TMEM65: variants seen among roughly 807,000 people sequenced by gnomAD.
TMEM65 encodes the protein transmembrane protein 65.
A neutral mutation model predicts 25.4 loss-of-function variants in TMEM65; 22 were observed. The observed-to-expected ratio is 0.86, with a 90% CI of 0.62 to 1.23. The LOEUF (loss-of-function observed/expected upper bound fraction) is 1.23. Among genes scored for constraint, TMEM65 ranks in the 50% most tolerant of loss-of-function variants. The pLI is 0.00. For missense variants in TMEM65, 262 were observed against 308.2 expected (o/e 0.85, Z 1.12); for synonymous variants, 132 against 126.2 (o/e 1.05, Z -0.31).
At position 124,309,114 on chromosome 8, in the gene TMEM65, T is replaced by C. The variant is rs1016052547; in HGVS notation, c.*4846A>G. 2 of 152,246 alleles carry C rather than the reference T, an allele frequency of 1.3e-5. No individual in the cohort carries two copies. Among genetic ancestry groups the C allele is most frequent in the Non-Finnish European group, 2.9e-5 (2 of 68,044 alleles). The allele number at this position is 152,246 out of a possible 1,614,324, so 9.4% of individuals were successfully genotyped here. A position where few individuals can be genotyped will look rare whatever the true frequency, so the allele number is the denominator to read the frequency against. ...TAAATGTATTTTCTCTTCCTGATGATTTTAATAACATTTTCTTTCTTCTAC... is the reference window on the plus strand; with the variant it reads ...TAAATGTATTTTCTCTTCCTGATGACTTTAATAACATTTTCTTTCTTCTAC... On this transcript the variant is annotated 3_prime_UTR_variant, in exon 7 of 7. Transcript: ENST00000297632.
chr8:124,345,150 G>A (rs1814627333), intron 1 of TMEM65, among the ~76,000 whole-genome samples: 1 of 152,150 alleles, frequency 6.6e-6, no homozygotes, highest in African/African-American at 2.4e-5. Flanking sequence ...CTGAGCTTTG[G>A]CCAATCATAG....
intron 5 of TMEM65, 77 bp downstream of exon 5, chr8:124,322,028 C>A: frequency 9.9e-7 from 1 of 1,012,862 alleles, no homozygotes. Context: ...TTTTGTTATG[C>A]TTCTCAATTA....
At chr8:124,355,363 T>G (rs1814765836) in intron 1 of TMEM65, among the ~76,000 whole-genome samples, 1 of 152,212 alleles carries the variant, frequency 6.6e-6, no homozygotes, top group African/African-American at 2.4e-5. Flanking sequence ...ATTTGCCTAT[T>G]TTCTTTCACA....
rs113090050 is a variant in TMEM65, at chr8:124,328,131, G to T, written c.350-710C>A. The stretch of plus-strand genomic sequence containing the variant: ...TTCAATGATCTGAGATATTAGAAGT[G>T]TAACTAGGTCACGCCTGTAATCCTA... On this transcript the variant is annotated intron_variant, in intron 2 of 6. Transcript: ENST00000297632. 1.7e-3 allele frequency among the ~76,000 whole-genome samples: 258 copies of T among 152,130 alleles called. 1 individual carries two copies. Among genetic ancestry groups the T allele is most frequent in the Middle Eastern group, 3.4e-3 (1 of 294 alleles).
Position 124,313,818 on chromosome 8 carries a change from AAGTT to A in TMEM65, c.*138_*141del. 1.6e-6 allele frequency: 1 copy of A among 613,408 alleles called. No individual in the cohort carries two copies. Among genetic ancestry groups the A allele is most frequent in the Non-Finnish European group, 2.8e-6 (1 of 352,338 alleles). 38.0% of individuals were successfully genotyped at this position (613,408 alleles called of 1,614,324 possible). On this transcript the variant is annotated 3_prime_UTR_variant, in exon 7 of 7. Transcript: ENST00000297632. The stretch of plus-strand genomic sequence containing the variant: ...TGTCCTAAGAAGATCAAGCCACAAT[AAGTT>A]AGTGTTTTCCATAATACATGCTAAA...
In TMEM65 at chr8:124,306,774, C is replaced by T. The variant is rs1451960106; in HGVS notation, c.*7186G>A. On this transcript the variant is annotated 3_prime_UTR_variant, in exon 7 of 7. Coordinates refer to ENST00000297632, the MANE Select transcript of TMEM65 (RefSeq NM_194291.3). The stretch of plus-strand genomic sequence containing the variant: ...GAGCAGCCTGGCCAACATGGTGAAA[C>T]CCTGTTTCTCCTAAAAATACAAAAA... 6.6e-6 allele frequency: 1 copy of T among 152,022 alleles called. No individual in the cohort carries two copies. Among genetic ancestry groups the T allele is most frequent in the African/African-American group, 2.4e-5 (1 of 41,362 alleles). 9.4% of individuals were successfully genotyped at this position (152,022 alleles called of 1,614,324 possible). A position where few individuals can be genotyped will look rare whatever the true frequency, so the allele number is the denominator to read the frequency against.
chr8:124,348,024 G>GGGGTTACAGGCAGTAGCCA (rs200937984), intron 1 of TMEM65, among the ~76,000 whole-genome samples: 1 of 152,034 alleles, frequency 6.6e-6, no homozygotes, highest in East Asian at 1.9e-4. Flanking sequence ...CCGAGAAGCT[G>GGGGTTACAGGCAGTAGCCA]GGGTTACAGG....
At chr8:124,370,462 GCA>G (rs1814997096) in intron 1 of TMEM65, among the ~76,000 whole-genome samples, 1 of 152,174 alleles carries the variant, frequency 6.6e-6, no homozygotes, top group African/African-American at 2.4e-5. Context: ...CATACTGAGT[GCA>G]CACATAGATT....
In TMEM65 at chr8:124,323,329, G is replaced by T. The variant is rs945501191; in HGVS notation, c.464C>A (p.Thr155Asn). 6.7e-7 allele frequency: 1 copy of T among 1,481,720 alleles called. No individual in the cohort carries two copies. Among genetic ancestry groups the T allele is most frequent in the Non-Finnish European group, 9.2e-7 (1 of 1,082,384 alleles). The allele number at this position is 1,481,720 out of a possible 1,614,324, so 91.8% of individuals were successfully genotyped here. Residue 155 changes from threonine to asparagine, a missense_variant, in exon 4 of 7, where the codon ACT (threonine) becomes AAT (asparagine). Transcript: ENST00000297632. ...MSIGIILGIS[T>N]MAAAALGNLV... ...TTACTACTGTTAAATACCTGCCATAGTTGAAATTCCCAAAATAATTCCAAT... is the reference window on the plus strand; with the variant it reads ...TTACTACTGTTAAATACCTGCCATATTTGAAATTCCCAAAATAATTCCAAT...
chr8:124,340,200 A>T (rs999145600), intron 1 of TMEM65, among the ~76,000 whole-genome samples: 1 of 152,174 alleles, frequency 6.6e-6, no homozygotes, highest in Admixed American at 6.5e-5. Context: ...TAATAAATTC[A>T]TGAGTGTTGT....
At chr8:124,366,158 G>A (rs1814936027) in intron 1 of TMEM65, among the ~76,000 whole-genome samples, 1 of 152,198 alleles carries the variant, frequency 6.6e-6, no homozygotes, top group Admixed American at 6.5e-5. Flanking sequence ...GGAGGCAGAG[G>A]TTGCAGTGAG....
chr8:124,309,543 CAT>C lies in TMEM65; in HGVS notation c.*4415_*4416del, dbSNP rs1268454020. 1 of 152,152 alleles carries C rather than the reference CAT, an allele frequency of 6.6e-6. No homozygotes were observed. The highest frequency in any genetic ancestry group is 2.4e-5 in the African/African-American group (1 of 41,432). The allele number at this position is 152,152 out of a possible 1,614,324, so 9.4% of individuals were successfully genotyped here. A position where few individuals can be genotyped will look rare whatever the true frequency, so the allele number is the denominator to read the frequency against. On this transcript the variant is annotated 3_prime_UTR_variant, in exon 7 of 7. Coordinates refer to ENST00000297632, the MANE Select transcript of TMEM65 (RefSeq NM_194291.3). ...TTTTACAATGAATTCCAAAGTGAAACATATTTCACATATCTGAGATTTTCTTA... is the reference window on the plus strand; with the variant it reads ...TTTTACAATGAATTCCAAAGTGAAACATTTCACATATCTGAGATTTTCTTA...
chr8:124,353,386 A>G (rs1814737438), intron 1 of TMEM65, among the ~76,000 whole-genome samples: 2 of 152,156 alleles, frequency 1.3e-5, no homozygotes, highest in Admixed American at 1.3e-4. Context: ...AAACTAGAAC[A>G]TGCCCTGTGT....
chr8:124,344,697 G>T (rs1190526709), intron 1 of TMEM65, among the ~76,000 whole-genome samples: 1 of 152,006 alleles, frequency 6.6e-6, no homozygotes, highest in Non-Finnish European at 1.5e-5. Flanking sequence ...ATTTTGATTG[G>T]TTCAATTGAC....
rs1455167847 is a variant in TMEM65 at position 124,320,171 on chromosome 8, G to A, written c.536C>T (p.Ala179Val). ...AGLGLAGYVE[A>V]LASRLGLSIP... ...TGACAGGCCTAACCTGGAAGCCAATGCTTCAACGTAGCCTGCAAGTCTTTG... is the reference window on the plus strand; with the variant it reads ...TGACAGGCCTAACCTGGAAGCCAATACTTCAACGTAGCCTGCAAGTCTTTG... The change falls in exon 6 of 7, where the codon GCA becomes GTA. Residue 179 changes from alanine to valine, a missense_variant. Coordinates refer to ENST00000297632, the MANE Select transcript of TMEM65 (RefSeq NM_194291.3). 2 of 1,612,872 alleles carry A rather than the reference G, an allele frequency of 1.2e-6. No individual in the cohort carries two copies. The highest frequency in any genetic ancestry group is 1.7e-6 in the Non-Finnish European group (2 of 1,179,182).
rs191463391 is a variant in TMEM65, at chr8:124,343,390, A to G, written c.305-12598T>C. Among the ~76,000 whole-genome samples the G allele has an allele frequency of 3.7e-3, 558 of 152,268 alleles. 3 individuals are homozygous for G. Among genetic ancestry groups the G allele is most frequent in the Admixed American group, 7.7e-3 (117 of 15,276 alleles). Reference sequence around the variant, plus strand: ...ATGCAAGATGCCAAAGTATATTATCATCAGGTAAAAGAAGCCCTTCATGAC... The same window carrying G: ...ATGCAAGATGCCAAAGTATATTATCGTCAGGTAAAAGAAGCCCTTCATGAC... On this transcript the variant is annotated intron_variant, in intron 1 of 6. Transcript: ENST00000297632.
At chr8:124,338,245 T>A (rs1377671994) in intron 1 of TMEM65, among the ~76,000 whole-genome samples, 1 of 152,118 alleles carries the variant, frequency 6.6e-6, no homozygotes, top group East Asian at 1.9e-4. Flanking sequence ...TATAGTCATT[T>A]CATTAATAGC....
intron 1 of TMEM65, among the ~76,000 whole-genome samples, chr8:124,341,631 T>C (rs909414769): frequency 2.0e-5 from 3 of 152,056 alleles, no homozygotes; most frequent in African/African-American, 7.2e-5. Context: ...AAATATTCTC[T>C]ATTAAAATTT....
At chr8:124,318,875 T>C (rs1350312572) in intron 6 of TMEM65, among the ~76,000 whole-genome samples, 1 of 152,212 alleles carries the variant, frequency 6.6e-6, no homozygotes, top group Non-Finnish European at 1.5e-5. Flanking sequence ...TCCTATTGAA[T>C]ATTGCAGTCT....
Sources: gnomAD v4.1 joint callset for allele counts (sites outside exome capture counted in the v4.1 genomes callset) on GRCh38, gnomAD v4.1.1 for gene constraint, MANE v1.5 for transcripts, NCBI Gene and HGNC (gene_info 2026-07-23, HGNC 2026-07-21) for gene names.